SPDYE14: variants seen among roughly 807,000 people sequenced by gnomAD.
SPDYE14 encodes the protein speedy protein E14.
chr7:75,247,601 T>G, the SPDYE14 span, among the ~76,000 whole-genome samples: 1 of 33,000 alleles, frequency 3.0e-5, no homozygotes, highest in South Asian at 1.6e-3. Context: ...TTTTTTTTTT[T>G]TTTTGAGACG....
the SPDYE14 span, chr7:75,237,733 C>T: frequency 1.8e-5 from 2 of 113,640 alleles, no homozygotes; most frequent in African/African-American, 5.0e-5. Flanking sequence ...CCGGTCCCCG[C>T]TGCGCATGCG....
the SPDYE14 span, among the ~76,000 whole-genome samples, chr7:75,271,294 TG>T: frequency 1.9e-5 from 1 of 51,684 alleles, no homozygotes; most frequent in African/African-American, 4.6e-5. Flanking sequence ...TACTTGAGCC[TG>T]GGAGGTTGAG....
At chr7:75,261,110 T>A in the SPDYE14 span, among the ~76,000 whole-genome samples, 3 of 92,262 alleles carry the variant, frequency 3.3e-5, no homozygotes, top group African/African-American at 8.3e-5. Context: ...GGGTGACGAG[T>A]GAGATTCTGT....
the SPDYE14 span, among the ~76,000 whole-genome samples, chr7:75,279,727 C>T: frequency 1.4e-4 from 8 of 56,112 alleles, 2 homozygotes; most frequent in African/African-American, 3.7e-4. Context: ...CAGGCATGAG[C>T]CATGGCACCT....
chr7:75,273,666 G>A, the SPDYE14 span, among the ~76,000 whole-genome samples: 23 of 60,662 alleles, frequency 3.8e-4, 8 homozygotes, highest in Non-Finnish European at 8.2e-4. Context: ...GACTCTTCTC[G>A]AAAGGCTGCT....
At chr7:75,261,170 C>G in the SPDYE14 span, among the ~76,000 whole-genome samples, 1 of 84,820 alleles carries the variant, frequency 1.2e-5, no homozygotes, top group Non-Finnish European at 2.8e-5. Context: ...TACAGCCCTA[C>G]TGTGGCAGAG....
At chr7:75,258,074 G>A in the SPDYE14 span, among the ~76,000 whole-genome samples, 1 of 48,036 alleles carries the variant, frequency 2.1e-5, no homozygotes. Context: ...TGAGCTGCCC[G>A]CCTCAGCCTC....
chr7:75,237,820 G>C, the SPDYE14 span: 1 of 108,452 alleles, frequency 9.2e-6, no homozygotes, highest in Non-Finnish European at 2.2e-5. Context: ...TGTTGCTGCT[G>C]TTGCTGCCGC....
At chr7:75,271,250 G>C in the SPDYE14 span, among the ~76,000 whole-genome samples, 1 of 50,768 alleles carries the variant, frequency 2.0e-5, no homozygotes, top group African/African-American at 4.6e-5. Context: ...AGGCATGGTG[G>C]TGCATGCCTG....
At chr7:75,244,688 AG>A in the SPDYE14 span, among the ~76,000 whole-genome samples, 52 of 39,376 alleles carry the variant, frequency 1.3e-3, no homozygotes, top group Admixed American at 1.7e-3. Flanking sequence ...TGAGGGGCTG[AG>A]GCAGGAGAAT....
chr7:75,275,205 GC>G, the SPDYE14 span, among the ~76,000 whole-genome samples: 1 of 56,098 alleles, frequency 1.8e-5, no homozygotes, highest in African/African-American at 4.1e-5. Context: ...CCTCTGCCTG[GC>G]CACCACCCCG....
At chr7:75,258,549 T>TG in the SPDYE14 span, among the ~76,000 whole-genome samples, 1 of 39,792 alleles carries the variant, frequency 2.5e-5, no homozygotes, top group African/African-American at 6.5e-5. Flanking sequence ...ACATTTGGGT[T>TG]GGTTCCAAGT....
At chr7:75,272,848 T>C in the SPDYE14 span, among the ~76,000 whole-genome samples, 1 of 46,892 alleles carries the variant, frequency 2.1e-5, no homozygotes, top group Non-Finnish European at 5.4e-5. Context: ...ATGGCACCAC[T>C]GCACTCCAGC....
At chr7:75,265,565 C>CA in the SPDYE14 span, among the ~76,000 whole-genome samples, 3 of 1,770 alleles carry the variant, frequency 1.7e-3, no homozygotes, top group Non-Finnish European at 1.4e-3. Context: ...TAAAAAAATA[C>CA]AAAAAAAAAA....
At chr7:75,274,499 CTT>C in the SPDYE14 span, among the ~76,000 whole-genome samples, 230 of 12,822 alleles carry the variant, frequency 0.018, no homozygotes, top group East Asian at 0.035. Flanking sequence ...CTAGTCCTGG[CTT>C]TTTTTTTTTT....
the SPDYE14 span, among the ~76,000 whole-genome samples, chr7:75,258,157 T>C: frequency 1.8e-5 from 1 of 55,774 alleles, no homozygotes; most frequent in African/African-American, 4.5e-5. Context: ...TTCTTTCTTT[T>C]TTATTATACT....
chr7:75,271,860 C>CTT, the SPDYE14 span, among the ~76,000 whole-genome samples: 3 of 7,342 alleles, frequency 4.1e-4, 1 homozygote, highest in African/African-American at 1.4e-3. Flanking sequence ...AACAGACTTC[C>CTT]TTTTTTTTTT....
the SPDYE14 span, among the ~76,000 whole-genome samples, chr7:75,241,691 ATATATTTTTTTTTT>A: frequency 0.024 from 598 of 25,446 alleles, 93 homozygotes; most frequent in Admixed American, 0.044. Context: ...ATATATATAT[ATATATTTTTTTTTT>A]TTTTTTTGAG....
At chr7:75,237,905 G>A in the SPDYE14 span, among the ~76,000 whole-genome samples, 3 of 102,136 alleles carry the variant, frequency 2.9e-5, no homozygotes, top group African/African-American at 8.1e-5. Flanking sequence ...TCAGGACTAA[G>A]GGGAAGGCCG....
Sources: allele counts gnomAD v4.1 joint callset (sites outside exome capture counted in the v4.1 genomes callset), GRCh38; gene constraint gnomAD v4.1.1; transcripts MANE v1.5; gene names NCBI Gene and HGNC (gene_info 2026-07-23, HGNC 2026-07-21).